Variants in RAB43 observed in about 807,000 individuals in gnomAD.
RAB43 encodes the protein ras-related protein Rab-43.
RAB43 carries 6 observed loss-of-function variants against 18.8 expected under a neutral mutation model. The observed-to-expected ratio is 0.32, with a 90% CI of 0.17 to 0.63. The LOEUF (loss-of-function observed/expected upper bound fraction) is 0.63, where lower values mean the gene tolerates loss of function less well. Among genes scored for constraint, RAB43 ranks in the 30% least tolerant of loss-of-function variants. The probability of loss-of-function intolerance (pLI) is 0.79; values close to 1 mark genes in which losing one functional copy is unlikely to be tolerated. For missense variants in RAB43, 195 were observed against 289.1 expected (o/e 0.67, Z 2.36); for synonymous variants, 103 against 124.1 (o/e 0.83, Z 1.13).
chr3:129,121,112 T>G (rs1935894924), intron 1 of RAB43, among the ~76,000 whole-genome samples, 174 bp downstream of exon 1: 2 of 128,440 alleles, frequency 1.6e-5, no homozygotes, highest in Non-Finnish European at 3.2e-5. Context: ...TTTGAGGACT[T>G]GAACCCGGCC....
At chr3:129,096,153 AC>A (rs1934036875) in intron 1 of RAB43, among the ~76,000 whole-genome samples, 2 of 152,170 alleles carry the variant, frequency 1.3e-5, no homozygotes, top group African/African-American at 2.4e-5. Context: ...GTGTCTCTTT[AC>A]CTAGTTCTCA....
chr3:129,116,831 C>T (rs1017183683), intron 1 of RAB43, among the ~76,000 whole-genome samples: 1 of 151,832 alleles, frequency 6.6e-6, no homozygotes. Flanking sequence ...TAGTGATCTG[C>T]AAAAACGAGT....
At chr3:129,101,574 C>G (rs1237265320) in intron 1 of RAB43, among the ~76,000 whole-genome samples, 1 of 152,140 alleles carries the variant, frequency 6.6e-6, no homozygotes, top group Non-Finnish European at 1.5e-5. Flanking sequence ...TGAGCTGAGG[C>G]CTGAGTGATG....
At chr3:129,119,223 G>C (rs1935741250) in intron 1 of RAB43, among the ~76,000 whole-genome samples, 1 of 152,218 alleles carries the variant, frequency 6.6e-6, no homozygotes, top group Admixed American at 6.5e-5. Context: ...TGCTCCTGCT[G>C]CGGCAGCGGA....
At chr3:129,121,144 G>A in intron 1 of RAB43, 142 bp downstream of exon 1, 1 of 706,956 alleles carries the variant, frequency 1.4e-6, no homozygotes, top group Non-Finnish European at 2.2e-6. Context: ...GCCCAGGCCT[G>A]CTCCGACCCG....
chr3:129,118,182 AAGGGCTAGTGAAGCTGGAGAGC>A (rs1266056032), intron 1 of RAB43, among the ~76,000 whole-genome samples: 1 of 152,134 alleles, frequency 6.6e-6, no homozygotes, highest in East Asian at 1.9e-4. Flanking sequence ...CACCATGTTG[AAGGGCTAGTGAAGCTGGAGAGC>A]AGGCAGTGAA....
chr3:129,113,152 T>TTTA (rs1366222461), intron 1 of RAB43, among the ~76,000 whole-genome samples: 3 of 148,546 alleles, frequency 2.0e-5, no homozygotes, highest in African/African-American at 7.4e-5. Flanking sequence ...TTAGGTTATT[T>TTTA]TTATTATTAT....
chr3:129,095,215 C>T lies in RAB43; in HGVS notation c.205-46G>A, dbSNP rs1933961704. On this transcript the variant is annotated intron_variant, in intron 1 of 2. Coordinates refer to ENST00000315150, the MANE Select transcript of RAB43 (RefSeq NM_198490.3). This position sits in a 1 kb window ranked among gnomAD's most constrained non-coding sequence, Gnocchi z 4.2. ...AGTGAACCCAGTGGCACAGGCTGAA[C>T]ATGGGGACAGGCAGAGTGACCCCAC... The T allele has an allele frequency of 3.8e-6, 6 of 1,589,218 alleles. No individual in the cohort carries two copies. Among genetic ancestry groups the T allele is most frequent in the Admixed American group, 1.7e-5 (1 of 58,400 alleles).
chr3:129,095,204 C>T lies in RAB43; in HGVS notation c.205-35G>A. On this transcript the variant is annotated intron_variant, in intron 1 of 2. Transcript: ENST00000315150. The surrounding 1 kb of genome is among the most constrained non-coding windows in gnomAD (Gnocchi z 4.2). ...TAAGGTTCCTCAGTGAACCCAGTGG[C>T]ACAGGCTGAACATGGGGACAGGCAG... 1.3e-6 allele frequency: 2 copies of T among 1,599,972 alleles called. No homozygotes were observed. Among genetic ancestry groups the T allele is most frequent in the Non-Finnish European group, 1.7e-6 (2 of 1,171,952 alleles).
At chr3:129,108,559 C>A (rs534315425) in intron 1 of RAB43, among the ~76,000 whole-genome samples, 3 of 152,302 alleles carry the variant, frequency 2.0e-5, no homozygotes, top group South Asian at 4.1e-4. Flanking sequence ...CCTAAGGAAT[C>A]AATGAACAAA....
intron 1 of RAB43, among the ~76,000 whole-genome samples, chr3:129,101,723 G>A (rs111515552): frequency 0.013 from 1,976 of 152,348 alleles, 16 homozygotes; most frequent in South Asian, 0.025. Context: ...GAGGAGACAC[G>A]TTCAGAGACA....
At chr3:129,110,364 C>A (rs1021728106) in intron 1 of RAB43, among the ~76,000 whole-genome samples, 8 of 152,166 alleles carry the variant, frequency 5.3e-5, no homozygotes, top group Admixed American at 3.9e-4. Flanking sequence ...CATTCAATAA[C>A]CAAAAGGTAA....
At chr3:129,105,537 T>C (rs1934716551) in intron 1 of RAB43, among the ~76,000 whole-genome samples, 1 of 144,854 alleles carries the variant, frequency 6.9e-6, no homozygotes, top group African/African-American at 2.6e-5. Context: ...TCCCAGCACT[T>C]TGGGAGGCCA....
At chr3:129,096,199 T>C (rs1244144327) in intron 1 of RAB43, among the ~76,000 whole-genome samples, 1 of 152,204 alleles carries the variant, frequency 6.6e-6, no homozygotes, top group Non-Finnish European at 1.5e-5. Context: ...TCAAGGTCTG[T>C]CTGGGGTGGG....
intron 1 of RAB43, among the ~76,000 whole-genome samples, chr3:129,118,791 T>C (rs774096869): frequency 6.6e-6 from 1 of 152,200 alleles, no homozygotes; most frequent in Non-Finnish European, 1.5e-5. Flanking sequence ...CCTCCCAAAG[T>C]GCTGGGATTG....
At chr3:129,099,521 G>A (rs930543316) in intron 1 of RAB43, among the ~76,000 whole-genome samples, 3 of 152,148 alleles carry the variant, frequency 2.0e-5, no homozygotes, top group African/African-American at 7.2e-5. Flanking sequence ...TGAGTAGCTG[G>A]AATTATGGGC....
At chr3:129,097,925 G>C (rs1934163024) in intron 1 of RAB43, among the ~76,000 whole-genome samples, 1 of 152,044 alleles carries the variant, frequency 6.6e-6, no homozygotes, top group South Asian at 2.1e-4. Flanking sequence ...CTGACCATGG[G>C]GCTAGAATCC....
chr3:129,106,135 C>T (rs1934769110), intron 1 of RAB43, among the ~76,000 whole-genome samples: 1 of 152,224 alleles, frequency 6.6e-6, no homozygotes, highest in Non-Finnish European at 1.5e-5. Flanking sequence ...AGGTTAAAAG[C>T]ACCACTGAAG....
At chr3:129,120,238 T>C (rs1281071994) in intron 1 of RAB43, among the ~76,000 whole-genome samples, 2 of 152,120 alleles carry the variant, frequency 1.3e-5, no homozygotes, top group African/African-American at 2.4e-5. Context: ...CCCAATTTTA[T>C]AGAAACAAAG....
Sources: allele counts gnomAD v4.1 joint callset (sites outside exome capture counted in the v4.1 genomes callset), GRCh38; gene constraint gnomAD v4.1.1; non-coding constraint Gnocchi (gnomAD v3.1); transcripts MANE v1.5; gene names NCBI Gene and HGNC (gene_info 2026-07-23, HGNC 2026-07-21).